The following SLC44A4 variants were observed in gnomAD, a reference collection of about 807,000 sequenced individuals.
SLC44A4 encodes solute carrier family 44 member 4, also known as choline transporter-like protein 4.
Under a neutral mutation model 97.0 loss-of-function variants are expected in SLC44A4, and 74 were observed. The ratio of observed to expected loss-of-function variants is 0.76; its 90% CI spans 0.63 to 0.93. The LOEUF (loss-of-function observed/expected upper bound fraction) is 0.93. SLC44A4 is among the 40% of genes least tolerant of loss of function. The pLI, the probability that SLC44A4 is intolerant of heterozygous loss-of-function variation, is 0.00. For missense variants in SLC44A4, 799 were observed against 902.9 expected, an observed-to-expected ratio of 0.88 and a Z score of 1.48; for synonymous variants, 325 against 363.8, an observed-to-expected ratio of 0.89 and a Z score of 1.21.
intron 13 of SLC44A4, among the ~76,000 whole-genome samples, chr6:31,867,957 A>T (rs1347375793): frequency 2.0e-5 from 3 of 151,362 alleles, no homozygotes; most frequent in Non-Finnish European, 4.4e-5. Context: ...AGCTGGGATT[A>T]CAGGCACCTG....
At chr6:31,869,505 C>G in intron 12 of SLC44A4, 40 bp downstream of exon 12, 3 of 1,527,620 alleles carry the variant, frequency 2.0e-6, no homozygotes, top group Non-Finnish European at 2.7e-6. Context: ...CATCACCCCC[C>G]AGGACTCCAA....
chr6:31,873,479 G>A (rs1465795943), intron 7 of SLC44A4, among the ~76,000 whole-genome samples: 1 of 152,098 alleles, frequency 6.6e-6, no homozygotes, highest in East Asian at 1.9e-4. Flanking sequence ...CACCATGCCT[G>A]GCCTAAAAAT....
Position 31,870,683 on chromosome 6 carries a change from A to G in SLC44A4, c.957T>C (p.Leu319=). 6.2e-7 allele frequency: 1 copy of G among 1,611,320 alleles called. No homozygotes were observed. The highest frequency in any genetic ancestry group is 8.5e-7 in the Non-Finnish European group (1 of 1,179,226). ...WLAALIVLAV[L]EAILLLMLIF... ...TGAGCATCAGCAGCAGGATGGCTTC[A>G]AGCACCGCCAACACGATCACTGCAG... Residue 319 remains leucine (L), a synonymous_variant, in exon 11 of 21, where the codon CTT becomes CTC. Coordinates refer to ENST00000229729, the MANE Select transcript of SLC44A4 (RefSeq NM_025257.3).
intron 11 of SLC44A4, among the ~76,000 whole-genome samples, chr6:31,870,039 C>T (rs917128551): frequency 2.0e-5 from 3 of 152,110 alleles, no homozygotes; most frequent in Admixed American, 1.3e-4. Context: ...GCCTGCCCCA[C>T]TCCCCCAGGG....
intron 10 of SLC44A4, 38 bp from the exon 11 acceptor site, chr6:31,870,740 A>T (rs751724915): frequency 1.2e-6 from 2 of 1,611,628 alleles, no homozygotes; most frequent in Non-Finnish European, 1.7e-6. Flanking sequence ...GGTCAGGGCC[A>T]GGGCTGGGGC....
At chr6:31,868,319 G>A (rs1181810469) in intron 13 of SLC44A4, among the ~76,000 whole-genome samples, 1 of 152,196 alleles carries the variant, frequency 6.6e-6, no homozygotes, top group Non-Finnish European at 1.5e-5. Flanking sequence ...CTACTACCTA[G>A]GGCTCTGTGT....
At chr6:31,864,335 C>T (rs1008080496) in intron 20 of SLC44A4, 2 of 463,544 alleles carry the variant, frequency 4.3e-6, no homozygotes, top group South Asian at 5.3e-5. Context: ...CTCGGTCCCC[C>T]AAAGTGCTGG....
rs1463013084 is a variant in SLC44A4 at position 31,874,687 on chromosome 6, G to A, written c.468+34C>T. On this transcript the variant is annotated intron_variant, in intron 6 of 20. Transcript: ENST00000229729. The surrounding 1 kb of genome is among the most constrained non-coding windows in gnomAD (Gnocchi z 4.8). ...CTCTCGTGCCCACCCTGGCCCTTCT[G>A]GGCGACAGTGATGAGGTTAGGGGCA... The A allele has an allele frequency of 1.3e-5, 21 of 1,580,666 alleles. No homozygotes were observed. Among genetic ancestry groups the A allele is most frequent in the Non-Finnish European group, 1.8e-5 (21 of 1,164,624 alleles).
In SLC44A4 at chr6:31,878,942, G is replaced by T. The variant is rs1554257532; in HGVS notation, c.39C>A (p.Tyr13Ter). ...TCCCGGGCCTCGCCCCAGTCTCACC[G>T]TAGGCCTCGTCATCCTCGTCCCGCT... ...GKQRDEDDEAYGKPVKYDPSF... is the reference protein window; with the variant it reads ...GKQRDEDDEA The change falls in exon 1 of 21, where the codon TAC becomes TAA. Residue 13 changes from tyrosine (Y) to a stop codon, truncating the protein, a stop_gained and splice_region_variant. Coordinates refer to ENST00000229729, the MANE Select transcript of SLC44A4 (RefSeq NM_025257.3). LOFTEE classifies it high-confidence loss of function. The surrounding 1 kb of genome is among the most constrained non-coding windows in gnomAD (Gnocchi z 4.0). 8 of 1,613,746 alleles carry T rather than the reference G, an allele frequency of 5.0e-6. No individual in the cohort carries two copies. Among genetic ancestry groups the T allele is most frequent in the Non-Finnish European group, 5.1e-6 (6 of 1,179,892 alleles).
chr6:31,876,997 AC>A lies in SLC44A4; in HGVS notation c.89+36del. 3 of 1,586,738 alleles carry A rather than the reference AC, an allele frequency of 1.9e-6. No homozygotes were observed. The highest frequency in any genetic ancestry group is 1.1e-5 in the South Asian group (1 of 87,438). ...TACTGGATTCCACACTGCACCCACCACCCCCGCCAGCCCCCGGAGCAGTGCC... is the reference window on the plus strand; with the variant it reads ...TACTGGATTCCACACTGCACCCACCACCCCGCCAGCCCCCGGAGCAGTGCC... On this transcript the variant is annotated intron_variant, in intron 2 of 20. Coordinates refer to ENST00000229729, the MANE Select transcript of SLC44A4 (RefSeq NM_025257.3). The surrounding 1 kb of genome is among the most constrained non-coding windows in gnomAD (Gnocchi z 4.8).
At chr6:31,868,616 G>T (rs2151558928) in intron 13 of SLC44A4, among the ~76,000 whole-genome samples, 1 of 152,272 alleles carries the variant, frequency 6.6e-6, no homozygotes, top group South Asian at 2.1e-4. Context: ...GGGTAACACA[G>T]CAAGACCTTG....
In SLC44A4 at chr6:31,866,040, G is replaced by A; in HGVS notation, c.1320C>T (p.Phe440=). 1 of 1,614,218 alleles carries A rather than the reference G, an allele frequency of 6.2e-7. No individual in the cohort carries two copies. The highest frequency in any genetic ancestry group is 1.1e-5 in the South Asian group (1 of 91,084). The change falls in exon 14 of 21, where the codon TTC becomes TTT. Residue 440 remains phenylalanine, a synonymous_variant. Coordinates refer to ENST00000229729, the MANE Select transcript of SLC44A4 (RefSeq NM_025257.3). ...CCAGGACCCCATAGATTTGCAGATT[G>A]AAGACAGAACGTTGGATTAGGCCTT... is the stretch of plus-strand genomic sequence containing the variant. ...SSKGLIQRSV[F]NLQIYGVLGL...
In SLC44A4 at chr6:31,877,338, C is replaced by T. The variant is rs1763502228; in HGVS notation, c.41-256G>A. 6.6e-6 allele frequency among the ~76,000 whole-genome samples: 1 copy of T among 152,098 alleles called. No individual in the cohort carries two copies. Among genetic ancestry groups the T allele is most frequent in the African/African-American group, 2.4e-5 (1 of 41,406 alleles). On this transcript the variant is annotated intron_variant, in intron 1 of 20. Coordinates refer to ENST00000229729, the MANE Select transcript of SLC44A4 (RefSeq NM_025257.3). This position sits in a 1 kb window ranked among gnomAD's most constrained non-coding sequence, Gnocchi z 6.5. The stretch of plus-strand genomic sequence containing the variant: ...AGGAAGGCCTTTATAGTTTCCGGCT[C>T]ACATCTCAAGGCAGTCAGTCTGGGA...
Position 31,863,567 on chromosome 6 carries a change from G to C in SLC44A4, c.*60C>G. The C allele has an allele frequency of 6.4e-7, 1 of 1,560,804 alleles. No individual in the cohort carries two copies. Among genetic ancestry groups the C allele is most frequent in the Non-Finnish European group, 8.6e-7 (1 of 1,156,446 alleles). ...ACAAAATGGAGACCTGTAAGGCGAA[G>C]TGAGGTTGGATGGCTGGACGGTGGG... On this transcript the variant is annotated 3_prime_UTR_variant, in exon 21 of 21. Coordinates refer to ENST00000229729, the MANE Select transcript of SLC44A4 (RefSeq NM_025257.3).
Position 31,865,999 on chromosome 6 carries a change from A to G in SLC44A4, c.1361T>C (p.Leu454Pro), listed in dbSNP as rs1223299211. The G allele has an allele frequency of 6.2e-7, 1 of 1,614,118 alleles. No individual in the cohort carries two copies. Among genetic ancestry groups the G allele is most frequent in the Non-Finnish European group, 8.5e-7 (1 of 1,180,054 alleles). Residue 454 changes from leucine to proline, a missense_variant, in exon 14 of 21, where the codon CTT (leucine) becomes CCT (proline). This residue lies in a region of SLC44A4 where 379 missense variants were observed against 438.3 expected (regional missense o/e 0.86). Coordinates refer to ENST00000229729, the MANE Select transcript of SLC44A4 (RefSeq NM_025257.3). This position sits in a 1 kb window ranked among gnomAD's most constrained non-coding sequence, Gnocchi z 5.2. ...IYGVLGLFWTLNWVLALGQCV... is the reference protein window; with the variant it reads ...IYGVLGLFWTPNWVLALGQCV... ...TTGGCCCAGGGCCAGTACCCAGTTAAGGGTCCAGAAGAGCCCCAGGACCCC... is the reference window on the plus strand; with the variant it reads ...TTGGCCCAGGGCCAGTACCCAGTTAGGGGTCCAGAAGAGCCCCAGGACCCC...
intron 11 of SLC44A4, 72 bp downstream of exon 11, chr6:31,870,530 AC>A (rs1763097302): frequency 1.6e-6 from 2 of 1,253,158 alleles, no homozygotes; most frequent in African/African-American, 1.5e-5. Context: ...CCTCTCTAGC[AC>A]CCCCTAGGTC....
chr6:31,874,553 C>T lies in SLC44A4; in HGVS notation c.469-33G>A. 1.2e-6 allele frequency: 2 copies of T among 1,608,426 alleles called. No individual in the cohort carries two copies. The highest frequency in any genetic ancestry group is 1.3e-5 in the African/African-American group (1 of 74,958). On this transcript the variant is annotated intron_variant, in intron 6 of 20. Coordinates refer to ENST00000229729, the MANE Select transcript of SLC44A4 (RefSeq NM_025257.3). The surrounding 1 kb of genome is among the most constrained non-coding windows in gnomAD (Gnocchi z 4.8). ...AGGAGTGAAAGGACAGACACACAGA[C>T]ACAGAGCAGGATGAAGAAGCAGGTC...
intron 11 of SLC44A4, 81 bp downstream of exon 11, chr6:31,870,522 T>C: frequency 8.6e-7 from 1 of 1,160,894 alleles, no homozygotes; most frequent in Non-Finnish European, 1.2e-6. Context: ...CCCTGCCACC[T>C]CTCTAGCACC....
intron 13 of SLC44A4, among the ~76,000 whole-genome samples, chr6:31,868,125 C>CT (rs1304470333): frequency 6.6e-6 from 1 of 152,182 alleles, no homozygotes; most frequent in African/African-American, 2.4e-5. Flanking sequence ...CAAACCTCCC[C>CT]TTTTTAATAG....
Sources: gnomAD v4.1 joint callset for allele counts (sites outside exome capture counted in the v4.1 genomes callset) on GRCh38, gnomAD v4.1.1 for gene constraint, gnomAD v4.1.1 regional missense constraint, Gnocchi (gnomAD v3.1) non-coding constraint, MANE v1.5 for transcripts, NCBI Gene and HGNC (gene_info 2026-07-23, HGNC 2026-07-21) for gene names.